The following ATRNL1 variants were observed in gnomAD, a reference collection of about 807,000 sequenced individuals.
ATRNL1 encodes attractin-like protein 1.
A neutral mutation model predicts 182.7 loss-of-function variants in ATRNL1; 95 were observed. That is an observed-to-expected ratio of 0.52 (90% confidence interval 0.44 to 0.62). ATRNL1 has a LOEUF of 0.62. ATRNL1 is among the 20% of genes least tolerant of loss of function. The probability of loss-of-function intolerance (pLI) is 0.00; values close to 1 mark genes in which losing one functional copy is unlikely to be tolerated. For missense variants in ATRNL1, 1,471 were observed against 1,679.5 expected (o/e 0.88, Z 2.17); for synonymous variants, 576 against 568.3 (o/e 1.01, Z -0.19).
intron 1 of ATRNL1, among the ~76,000 whole-genome samples, chr10:115,106,131 A>T (rs1843999314): frequency 6.6e-6 from 1 of 152,176 alleles, no homozygotes. Flanking sequence ...GACCATGGGA[A>T]CCCACCTCTT....
intron 28 of ATRNL1, among the ~76,000 whole-genome samples, chr10:115,915,652 T>C (rs1237522292): frequency 2.0e-5 from 3 of 152,208 alleles, no homozygotes; most frequent in Non-Finnish European, 2.9e-5. Context: ...ACATCTTGCC[T>C]TTTGATTGAT....
rs150981738 is a variant in ATRNL1, at chr10:115,677,917, C to T, written c.3796-49331C>T. ...TCTATAGCCTGGGGCCAGCAGATAT[C>T]GGGCATAGTTTCATGGGGTATGCAA... On this transcript the variant is annotated intron_variant, in intron 26 of 28. Coordinates refer to ENST00000355044, the MANE Select transcript of ATRNL1 (RefSeq NM_207303.4). 3.1e-3 allele frequency among the ~76,000 whole-genome samples: 470 copies of T among 152,002 alleles called. 2 individuals are homozygous for T. Among genetic ancestry groups the T allele is most frequent in the African/African-American group, 0.01 (417 of 41,478 alleles).
rs144927655 is a variant in ATRNL1 at position 115,492,093 on chromosome 10, G to A, written c.3654+22764G>A. Among the ~76,000 whole-genome samples, 300 of 152,218 alleles carry A rather than the reference G, an allele frequency of 2.0e-3. 5 individuals carry two copies. In the East Asian group the frequency reaches 0.047, roughly 24 times the overall value. On this transcript the variant is annotated intron_variant, in intron 24 of 28. Coordinates refer to ENST00000355044, the MANE Select transcript of ATRNL1 (RefSeq NM_207303.4). ...TACCCACTGCCCAACCAGTCCCGGT[G>A]AGATGAACGGTGTACTTCAGTTGGA...
intron 21 of ATRNL1, among the ~76,000 whole-genome samples, chr10:115,437,905 G>A (rs772544558): frequency 6.6e-6 from 1 of 151,796 alleles, no homozygotes; most frequent in Non-Finnish European, 1.5e-5. Context: ...TGACATAGGC[G>A]GTTTTATCCC....
At position 115,093,543 on chromosome 10, in the gene ATRNL1, C is replaced by T. The variant is rs782289975; in HGVS notation, c.-208C>T. The T allele has an allele frequency of 2.9e-6, 2 of 685,784 alleles. No homozygotes were observed. The allele number at this position is 685,784 out of a possible 1,614,324, so 42.5% of individuals were successfully genotyped here. A position where few individuals can be genotyped will look rare whatever the true frequency, so the allele number is the denominator to read the frequency against. ...AGGACAAGGTCGGGAGACTGGGTGG[C>T]GATGCCCGAGTGCGACTGGAGGCAG... On this transcript the variant is annotated 5_prime_UTR_variant, in exon 1 of 29. Coordinates refer to ENST00000355044, the MANE Select transcript of ATRNL1 (RefSeq NM_207303.4). This position sits in a 1 kb window ranked among gnomAD's most constrained non-coding sequence, Gnocchi z 6.1.
intron 27 of ATRNL1, among the ~76,000 whole-genome samples, chr10:115,745,141 T>A (rs78480791): frequency 6.6e-6 from 1 of 151,978 alleles, no homozygotes; most frequent in Admixed American, 6.6e-5. Context: ...CTTTTTTTTT[T>A]TGTGACCGAG....
At chr10:115,685,902 A>C (rs1946202295) in intron 26 of ATRNL1, among the ~76,000 whole-genome samples, 1 of 151,652 alleles carries the variant, frequency 6.6e-6, no homozygotes, top group South Asian at 2.1e-4. Context: ...TACCAAATGC[A>C]TAATGATGAG....
chr10:115,166,033 G>A (rs1847023671), intron 7 of ATRNL1, among the ~76,000 whole-genome samples: 1 of 151,986 alleles, frequency 6.6e-6, no homozygotes, highest in African/African-American at 2.4e-5. Context: ...TTTTCATCGG[G>A]CAAAACTGAA....
intron 5 of ATRNL1, among the ~76,000 whole-genome samples, chr10:115,154,637 A>G (rs1846415445): frequency 6.6e-6 from 1 of 151,982 alleles, no homozygotes; most frequent in South Asian, 2.1e-4. Flanking sequence ...AGAACATTTT[A>G]TGTGCTGATG....
chr10:115,165,000 A>G (rs1554884031), intron 6 of ATRNL1, among the ~76,000 whole-genome samples: 2 of 152,066 alleles, frequency 1.3e-5, no homozygotes, highest in Non-Finnish European at 2.9e-5. Flanking sequence ...CAAAGAAGAG[A>G]TAAGTGTTTG....
At chr10:115,218,214 C>G (rs557460972) in intron 9 of ATRNL1, among the ~76,000 whole-genome samples, 1 of 151,542 alleles carries the variant, frequency 6.6e-6, no homozygotes, top group African/African-American at 2.4e-5. Flanking sequence ...GACAGTGACA[C>G]CGAAAGTGTT....
chr10:115,094,448 A>G (rs188824065), intron 1 of ATRNL1, among the ~76,000 whole-genome samples: 1 of 152,254 alleles, frequency 6.6e-6, no homozygotes, highest in East Asian at 1.9e-4. Context: ...AAAAATTCAC[A>G]AAAGTGTAAA....
chr10:115,673,312 A>G (rs1445292264), intron 26 of ATRNL1, among the ~76,000 whole-genome samples: 4 of 152,120 alleles, frequency 2.6e-5, no homozygotes, highest in African/African-American at 9.7e-5. Flanking sequence ...GTAGTATTTC[A>G]TGGTATATAT....
chr10:115,226,876 T>C (rs1321977608), intron 9 of ATRNL1, among the ~76,000 whole-genome samples: 1 of 152,158 alleles, frequency 6.6e-6, no homozygotes, highest in Admixed American at 6.6e-5. Context: ...GCTAGCCATA[T>C]GCCAAAGATT....
chr10:115,111,606 A>G (rs1484738563), intron 1 of ATRNL1, among the ~76,000 whole-genome samples: 8 of 152,042 alleles, frequency 5.3e-5, no homozygotes, highest in Admixed American at 4.6e-4. Flanking sequence ...TAGAGTGAGA[A>G]CTCACTCTTT....
chr10:115,328,315 G>T (rs1855025254), intron 18 of ATRNL1, among the ~76,000 whole-genome samples: 1 of 151,998 alleles, frequency 6.6e-6, no homozygotes, highest in South Asian at 2.1e-4. Context: ...AACAAAATAT[G>T]CACATGTTTC....
intron 6 of ATRNL1, among the ~76,000 whole-genome samples, chr10:115,163,464 G>C (rs1554883745): frequency 1.3e-5 from 2 of 151,820 alleles, no homozygotes; most frequent in African/African-American, 4.8e-5. Context: ...TCTGGGCCCA[G>C]GCGATCCTTC....
intron 14 of ATRNL1, among the ~76,000 whole-genome samples, chr10:115,284,092 CTCATATGAGCTTG>C (rs1852497240): frequency 6.6e-6 from 1 of 152,042 alleles, no homozygotes; most frequent in Non-Finnish European, 1.5e-5. Context: ...TTACATTGAT[CTCATATGAGCTTG>C]GCAATTTGAA....
chr10:115,807,421 A>G (rs1284018693), intron 27 of ATRNL1, among the ~76,000 whole-genome samples: 1 of 152,132 alleles, frequency 6.6e-6, no homozygotes. Context: ...GGCCTACTCA[A>G]TATACTTTTA....
Sources: gnomAD v4.1 joint callset for allele counts (sites outside exome capture counted in the v4.1 genomes callset) on GRCh38, gnomAD v4.1.1 for gene constraint, Gnocchi (gnomAD v3.1) non-coding constraint, MANE v1.5 for transcripts, NCBI Gene and HGNC (gene_info 2026-07-23, HGNC 2026-07-21) for gene names.